The following RGS12 variants were observed in gnomAD, a reference collection of about 807,000 sequenced individuals.
The protein encoded by RGS12 is regulator of G-protein signaling 12.
A neutral mutation model predicts 120.1 loss-of-function variants in RGS12; 66 were observed. That is an observed-to-expected ratio of 0.55 (90% CI 0.45 to 0.67). RGS12 has a LOEUF of 0.67. Ranked by LOEUF, RGS12 falls within the 30% of genes least tolerant of loss-of-function variation. RGS12 has a pLI of 0.00. For synonymous variants in RGS12, 827 were observed against 804.7 expected (o/e 1.03, Z -0.47); for missense variants, 1,859 against 1,957.7 (o/e 0.95, Z 0.95).
chr4:3,379,448 A>G (rs1434108537), intron 3 of RGS12, among the ~76,000 whole-genome samples: 1 of 152,242 alleles, frequency 6.6e-6, no homozygotes, highest in Non-Finnish European at 1.5e-5. Context: ...TGTGATAATC[A>G]TATTACAGTG....
In RGS12 at chr4:3,428,170, G is replaced by A; in HGVS notation, c.3411+1G>A. ...CAGCTCCAGAAACCACTCGGCTACGGTAATTCCCCACCCTGGCCCACCCTG... is the reference window on the plus strand; with the variant it reads ...CAGCTCCAGAAACCACTCGGCTACGATAATTCCCCACCCTGGCCCACCCTG... On this transcript the variant is annotated splice_donor_variant, in intron 15 of 17. Coordinates refer to ENST00000336727, the MANE Select transcript of RGS12 (RefSeq NM_001394154.1). LOFTEE classifies it high-confidence loss of function. 6.2e-7 allele frequency: 1 copy of A among 1,613,308 alleles called. No homozygotes were observed. The highest frequency in any genetic ancestry group is 8.5e-7 in the Non-Finnish European group (1 of 1,179,556).
intron 2 of RGS12, chr4:3,324,337 G>T: frequency 6.0e-6 from 1 of 167,304 alleles, no homozygotes. Context: ...TCTCCACCAA[G>T]GTTGTGACAG....
At chr4:3,323,393 G>A (rs1725334995) in intron 2 of RGS12, among the ~76,000 whole-genome samples, 1 of 152,190 alleles carries the variant, frequency 6.6e-6, no homozygotes, top group Admixed American at 6.5e-5. Context: ...GCCCCGCTCC[G>A]CGCGGGGAGC....
chr4:3,322,334 G>A (rs1209490793), intron 2 of RGS12, among the ~76,000 whole-genome samples: 1 of 152,158 alleles, frequency 6.6e-6, no homozygotes, highest in African/African-American at 2.4e-5. Flanking sequence ...TGAAGTGGGT[G>A]AGATGATGTT....
chr4:3,427,735 CAAAAAAAGA>C (rs957196255), intron 14 of RGS12, among the ~76,000 whole-genome samples: 14 of 148,244 alleles, frequency 9.4e-5, no homozygotes, highest in Admixed American at 2.0e-4. Context: ...GACTCTGTCT[CAAAAAAAGA>C]AAAAAAAGAA....
In RGS12 at chr4:3,439,863, C is replaced by T. The variant is rs575841542; in HGVS notation, c.*179C>T. 5 of 579,232 alleles carry T rather than the reference C, an allele frequency of 8.6e-6. No individual in the cohort carries two copies. Among genetic ancestry groups the T allele is most frequent in the African/African-American group, 1.9e-5 (1 of 51,682 alleles). 35.9% of individuals were successfully genotyped at this position (579,232 alleles called of 1,614,324 possible). A position where few individuals can be genotyped will look rare whatever the true frequency, so the allele number is the denominator to read the frequency against. On this transcript the variant is annotated 3_prime_UTR_variant, in exon 18 of 18. Coordinates refer to ENST00000336727, the MANE Select transcript of RGS12 (RefSeq NM_001394154.1). ...GACATTCGCCATGCTGGCCATGGGG[C>T]TCCCTGGCCCTGGCCTCCTGCTGCC...
chr4:3,304,069 C>T (rs565446755), intron 1 of RGS12, among the ~76,000 whole-genome samples: 6 of 152,286 alleles, frequency 3.9e-5, no homozygotes, highest in African/African-American at 1.4e-4. Flanking sequence ...AGGAAGAAAG[C>T]GCATTTGCTC....
chr4:3,435,268 C>A (rs1278237259), intron 17 of RGS12, among the ~76,000 whole-genome samples: 1 of 152,116 alleles, frequency 6.6e-6, no homozygotes, highest in African/African-American at 2.4e-5. Flanking sequence ...GTGAAAGTAC[C>A]CCCCATGGCA....
Position 3,317,352 on chromosome 4 carries a change from T to A in RGS12, c.1182T>A (p.Gly394=). The stretch of plus-strand genomic sequence containing the variant: ...TCTCTGTCCTGTACCGAGACATGGG[T>A]GAGCTGATTGAGGGCATGCGGGCCC... The part of the protein sequence containing the change: ...QFISVLYRDM[G]ELIEGMRARA... The change falls in exon 2 of 18, where the codon GGT becomes GGA. Residue 394 remains glycine (G), a synonymous_variant. Coordinates refer to ENST00000336727, the MANE Select transcript of RGS12 (RefSeq NM_001394154.1). The A allele has an allele frequency of 6.2e-7, 1 of 1,613,770 alleles. No homozygotes were observed.
intron 3 of RGS12, among the ~76,000 whole-genome samples, chr4:3,353,469 G>A (rs142166739): frequency 6.6e-6 from 1 of 152,184 alleles, no homozygotes; most frequent in South Asian, 2.1e-4. Flanking sequence ...TGTAGGACCG[G>A]ACTGGTATGA....
intron 2 of RGS12, among the ~76,000 whole-genome samples, chr4:3,322,279 A>T (rs1034641361): frequency 1.4e-4 from 21 of 152,224 alleles, no homozygotes; most frequent in Non-Finnish European, 3.1e-4. Flanking sequence ...GGAGCAAGGA[A>T]GGGGAGCTGA....
Position 3,366,541 on chromosome 4 carries a change from A to G in RGS12, c.1999-19875A>G, listed in dbSNP as rs1716326250. On this transcript the variant is annotated intron_variant, in intron 3 of 17. Transcript: ENST00000336727. The surrounding 1 kb of genome is among the most constrained non-coding windows in gnomAD (Gnocchi z 4.0). ...AGAGTGAGGTGGTCCGGCCCCGTGA[A>G]GGAGGCAGCAGGGCTTGCGGCCGGG... Among the ~76,000 whole-genome samples the G allele has an allele frequency of 6.6e-6, 1 of 152,144 alleles. No individual in the cohort carries two copies. Among genetic ancestry groups the G allele is most frequent in the Admixed American group, 6.5e-5 (1 of 15,284 alleles).
intron 17 of RGS12, among the ~76,000 whole-genome samples, chr4:3,437,542 G>A (rs180795761): frequency 5.2e-4 from 79 of 152,294 alleles, no homozygotes; most frequent in African/African-American, 1.1e-3. Context: ...GGAGCCATGC[G>A]GACCTGGTGA....
chr4:3,405,488 C>T (rs532405961), intron 4 of RGS12, among the ~76,000 whole-genome samples: 1 of 152,272 alleles, frequency 6.6e-6, no homozygotes, highest in African/African-American at 2.4e-5. Flanking sequence ...GGGGAACATT[C>T]CAGATGGAAG....
intron 3 of RGS12, among the ~76,000 whole-genome samples, chr4:3,358,200 G>A (rs751601983): frequency 6.6e-6 from 1 of 151,802 alleles, no homozygotes; most frequent in Non-Finnish European, 1.5e-5. Context: ...GTGTCCTCCT[G>A]TTGGCAGAAT....
rs1442116619 is a variant in RGS12 at position 3,433,843 on chromosome 4, CATGTCTGGT to C, written c.4114+2889_4114+2897del. ...ATGCAGGCTGGCCGGTGCCCCCATG[CATGTCTGGT>C]CCCGGGAGGCATGTGGGTGGGTCTC... On this transcript the variant is annotated intron_variant, in intron 17 of 17. Transcript: ENST00000336727. This position sits in a 1 kb window ranked among gnomAD's most constrained non-coding sequence, Gnocchi z 4.4. Among the ~76,000 whole-genome samples, 4 of 152,156 alleles carry C rather than the reference CATGTCTGGT, an allele frequency of 2.6e-5. No individual in the cohort carries two copies. Among genetic ancestry groups the C allele is most frequent in the African/African-American group, 9.7e-5 (4 of 41,438 alleles).
rs768266546 is a variant in RGS12 at position 3,342,994 on chromosome 4, C to T, written c.1939C>T (p.Arg647Trp). ...TCAGCCTTCTCAACGCACGTCTGCT[C>T]GGAGATCATTTGGGAGATCCAAGAG... is the stretch of plus-strand genomic sequence containing the variant. ...LTQPSQRTSA[R>W]RSFGRSKRFS... The change falls in exon 3 of 18, where the codon CGG becomes TGG. Residue 647 changes from arginine (R) to tryptophan (W), a missense_variant. Arg to Trp is a moderately radical substitution (Grantham distance 101, BLOSUM62 -3). Coordinates refer to ENST00000336727, the MANE Select transcript of RGS12 (RefSeq NM_001394154.1). 12 of 1,613,710 alleles carry T rather than the reference C, an allele frequency of 7.4e-6. No homozygotes were observed. The highest frequency in any genetic ancestry group is 6.7e-5 in the East Asian group (3 of 44,902).
At chr4:3,438,393 G>T (rs1560186947) in intron 17 of RGS12, among the ~76,000 whole-genome samples, 1 of 151,864 alleles carries the variant, frequency 6.6e-6, no homozygotes, top group Non-Finnish European at 1.5e-5. Context: ...CACTGGGCGG[G>T]TCGGCAACGT....
chr4:3,398,932 A>G (rs1004338043), intron 4 of RGS12, among the ~76,000 whole-genome samples: 1 of 152,230 alleles, frequency 6.6e-6, no homozygotes, highest in African/African-American at 2.4e-5. Context: ...TATAGCATAC[A>G]GAGAATAGCT....
Sources: gnomAD v4.1 joint callset for allele counts (sites outside exome capture counted in the v4.1 genomes callset) on GRCh38, gnomAD v4.1.1 for gene constraint, Gnocchi (gnomAD v3.1) non-coding constraint, MANE v1.5 for transcripts, NCBI Gene and HGNC (gene_info 2026-07-23, HGNC 2026-07-21) for gene names.